ABRAXAS2: variants seen among roughly 807,000 people sequenced by gnomAD.
ABRAXAS2 encodes abraxas 2, BRISC complex subunit.
In ABRAXAS2, 23 loss-of-function variants were observed where a neutral mutation model predicts 49.0. That is an observed-to-expected ratio of 0.47 (90% CI 0.34 to 0.66). The LOEUF is 0.66. ABRAXAS2 is among the 30% of genes least tolerant of loss of function. The probability of loss-of-function intolerance (pLI) is 0.01; values close to 1 mark genes in which losing one functional copy is unlikely to be tolerated. For missense variants in ABRAXAS2, 443 were observed against 511.9 expected (o/e 0.87, Z 1.30); for synonymous variants, 168 against 180.2 (o/e 0.93, Z 0.54).
intron 2 of ABRAXAS2, among the ~76,000 whole-genome samples, chr10:124,809,532 C>T (rs560341547): frequency 4.0e-5 from 6 of 151,860 alleles, no homozygotes; most frequent in Admixed American, 2.6e-4. Context: ...GTGATCCACC[C>T]GCTTTGGCCT....
intron 2 of ABRAXAS2, among the ~76,000 whole-genome samples, chr10:124,809,063 G>A (rs1040769431): frequency 6.6e-6 from 1 of 152,096 alleles, no homozygotes; most frequent in South Asian, 2.1e-4. Flanking sequence ...CCTGGGAGGC[G>A]GAGGTTGTGG....
chr10:124,829,182 T>G (rs1364115196), intron 6 of ABRAXAS2, among the ~76,000 whole-genome samples: 1 of 152,220 alleles, frequency 6.6e-6, no homozygotes, highest in Non-Finnish European at 1.5e-5. Flanking sequence ...GAAAAATACA[T>G]AGCTTTTTAT....
At chr10:124,831,669 AG>A (rs1327926866) in intron 8 of ABRAXAS2, among the ~76,000 whole-genome samples, 1 of 152,090 alleles carries the variant, frequency 6.6e-6, no homozygotes, top group African/African-American at 2.4e-5. Context: ...TGACACTTGA[AG>A]AAAAAGAAGA....
intron 7 of ABRAXAS2, among the ~76,000 whole-genome samples, chr10:124,830,854 A>C (rs1486333811): frequency 1.3e-5 from 2 of 152,260 alleles, no homozygotes; most frequent in Non-Finnish European, 2.9e-5. Context: ...AAATAGCTAA[A>C]TTACACAGAT....
At chr10:124,805,503 C>T (rs1053207351) in intron 1 of ABRAXAS2, among the ~76,000 whole-genome samples, 19 of 152,198 alleles carry the variant, frequency 1.2e-4, no homozygotes, top group Admixed American at 3.3e-4. Flanking sequence ...TTTATTCAAC[C>T]ACTGTTAGTG....
chr10:124,823,847 G>A (rs1020952541), intron 4 of ABRAXAS2, among the ~76,000 whole-genome samples: 1 of 152,224 alleles, frequency 6.6e-6, no homozygotes. Flanking sequence ...TAGAATCAAA[G>A]ATATCACCAA....
chr10:124,827,015 A>AC (rs1950900834), intron 5 of ABRAXAS2, among the ~76,000 whole-genome samples: 2 of 148,374 alleles, frequency 1.3e-5, no homozygotes, highest in South Asian at 4.3e-4. Context: ...AATCGCTTGA[A>AC]CCTGGAGGCA....
chr10:124,817,319 A>G (rs2134164382), intron 3 of ABRAXAS2, among the ~76,000 whole-genome samples: 1 of 152,320 alleles, frequency 6.6e-6, no homozygotes, highest in Admixed American at 6.5e-5. Flanking sequence ...AACGTTCGGA[A>G]AGGAGAAAGC....
chr10:124,826,679 C>T lies in ABRAXAS2; in HGVS notation c.352C>T (p.Arg118Cys), dbSNP rs762892551. 2.7e-5 allele frequency: 43 copies of T among 1,614,090 alleles called. No individual in the cohort carries two copies. The highest frequency in any genetic ancestry group is 8.8e-5 in the South Asian group (8 of 91,092). Residue 118 changes from arginine to cysteine, a missense_variant, in exon 5 of 9, where the codon CGC (arginine) becomes TGC (cysteine). Physicochemically the swap from Arg to Cys is radical, Grantham distance 180. Around this residue, in one of 3 missense-constraint regions of ABRAXAS2, gnomAD observed 166 missense variants for 247.3 expected, o/e 0.67. Coordinates refer to ENST00000298492, the MANE Select transcript of ABRAXAS2 (RefSeq NM_032182.4). ...REQVLHKQLT[R>C]ILGVPDLVFL... is the part of the protein sequence containing the mutation. ...GCAGGTTCTTCACAAGCAGCTCACCCGCATCCTCGGCGTGCCCGACCTCGT... is the reference window on the plus strand; with the variant it reads ...GCAGGTTCTTCACAAGCAGCTCACCTGCATCCTCGGCGTGCCCGACCTCGT...
chr10:124,828,916 C>T, intron 6 of ABRAXAS2, 41 bp downstream of exon 6: 2 of 1,594,514 alleles, frequency 1.3e-6, no homozygotes, highest in Non-Finnish European at 1.7e-6. Context: ...CTTTTGTCAG[C>T]AATATTTCTT....
chr10:124,802,553 C>T (rs1444348912), intron 1 of ABRAXAS2, among the ~76,000 whole-genome samples: 1 of 152,134 alleles, frequency 6.6e-6, no homozygotes, highest in East Asian at 1.9e-4. Context: ...AGGCCCACTA[C>T]TGAGTGATGG....
intron 2 of ABRAXAS2, among the ~76,000 whole-genome samples, chr10:124,808,711 G>A (rs978544642): frequency 6.6e-6 from 1 of 152,198 alleles, no homozygotes; most frequent in Non-Finnish European, 1.5e-5. Flanking sequence ...GTGTCAGGAG[G>A]TAAACTTAAT....
chr10:124,831,379 C>A lies in ABRAXAS2; in HGVS notation c.694C>A (p.Arg232=). 1 of 1,611,798 alleles carries A rather than the reference C, an allele frequency of 6.2e-7. No individual in the cohort carries two copies. Among genetic ancestry groups the A allele is most frequent in the Non-Finnish European group, 8.5e-7 (1 of 1,178,566 alleles). The change falls in exon 8 of 9, where the codon CGA becomes AGA. Residue 232 remains arginine (R), a synonymous_variant. Transcript: ENST00000298492. ...GTGTGCAGATGTTGAAAAGAGTGAG[C>A]GAGTTGTTGAATCTTGTCAGGCAGA... The part of the protein sequence containing the change: ...AVCADVEKSE[R]VVESCQAEVN...
In ABRAXAS2 at chr10:124,834,742, C is replaced by G. The variant is rs1950958621; in HGVS notation, c.1019C>G (p.Ser340Cys). ...FMPRPQAVGSSNYASTSAGLK... is the reference protein window; with the variant it reads ...FMPRPQAVGSCNYASTSAGLK... ...CCTCGACCTCAAGCTGTGGGCTCTT[C>G]CAATTATGCTTCCACCAGTGCCGGA... Residue 340 changes from serine to cysteine, a missense_variant, in exon 9 of 9, where the codon TCC (serine) becomes TGC (cysteine). Transcript: ENST00000298492. The G allele has an allele frequency of 2.5e-6, 4 of 1,613,988 alleles. No homozygotes were observed. In the East Asian group the frequency reaches 6.7e-5, roughly 27 times the overall value.
At chr10:124,824,617 A>G (rs1467368687) in intron 4 of ABRAXAS2, among the ~76,000 whole-genome samples, 1 of 152,162 alleles carries the variant, frequency 6.6e-6, no homozygotes, top group Non-Finnish European at 1.5e-5. Context: ...GAAAAGCACT[A>G]TTAGTCATCC....
chr10:124,833,577 A>G (rs1002663384), intron 8 of ABRAXAS2, among the ~76,000 whole-genome samples: 2 of 152,244 alleles, frequency 1.3e-5, no homozygotes, highest in Non-Finnish European at 1.5e-5. Context: ...GAGTTCAGCA[A>G]GGATTAGTGA....
intron 1 of ABRAXAS2, among the ~76,000 whole-genome samples, chr10:124,802,943 T>C (rs1950716086): frequency 6.6e-6 from 1 of 152,224 alleles, no homozygotes; most frequent in South Asian, 2.1e-4. Flanking sequence ...ATTGTACCTT[T>C]CATCTCTTCA....
chr10:124,806,996 CT>C, intron 2 of ABRAXAS2, 75 bp downstream of exon 2: 1 of 1,181,984 alleles, frequency 8.5e-7, no homozygotes. Flanking sequence ...TTGTTTTGCC[CT>C]TAACTGATTT....
At chr10:124,811,046 C>T (rs1020239394) in intron 2 of ABRAXAS2, among the ~76,000 whole-genome samples, 2 of 150,214 alleles carry the variant, frequency 1.3e-5, no homozygotes, top group Admixed American at 6.6e-5. Context: ...GGTGAAACCC[C>T]GTCTCTACTA....
Sources: allele counts gnomAD v4.1 joint callset (sites outside exome capture counted in the v4.1 genomes callset), GRCh38; gene constraint gnomAD v4.1.1; regional missense constraint gnomAD v4.1.1; transcripts MANE v1.5; gene names NCBI Gene and HGNC (gene_info 2026-07-23, HGNC 2026-07-21).